NINL: variants seen among roughly 807,000 people sequenced by gnomAD.
The protein encoded by NINL is ninein-like protein.
NINL carries 153 observed loss-of-function variants against 160.3 expected under a neutral mutation model. The observed-to-expected ratio is 0.95, with a 90% CI of 0.84 to 1.09. The LOEUF (loss-of-function observed/expected upper bound fraction) is 1.09. Among genes scored for constraint, NINL ranks in the 50% least tolerant of loss-of-function variants. The pLI is 0.00. For synonymous variants in NINL, 800 were observed against 734.8 expected, an observed-to-expected ratio of 1.09 and a Z score of -1.43; for missense variants, 1,829 against 1,764.0, an observed-to-expected ratio of 1.04 and a Z score of -0.66.
intron 1 of NINL, among the ~76,000 whole-genome samples, chr20:25,548,909 AC>A (rs1469297362): frequency 1.5e-5 from 2 of 133,982 alleles, no homozygotes; most frequent in Admixed American, 7.5e-5. Flanking sequence ...CCCAAGGCTG[AC>A]CCCAGCACCC....
intron 5 of NINL, among the ~76,000 whole-genome samples, chr20:25,505,574 AT>A (rs1246854747): frequency 6.6e-6 from 1 of 152,182 alleles, no homozygotes; most frequent in Non-Finnish European, 1.5e-5. Flanking sequence ...CACCTTAAAT[AT>A]ATACAATTTT....
intron 17 of NINL, among the ~76,000 whole-genome samples, chr20:25,473,746 T>C (rs867621884): frequency 6.6e-6 from 1 of 151,434 alleles, no homozygotes; most frequent in African/African-American, 2.4e-5. Context: ...TGGGCACATG[T>C]AATCCCAGCT....
chr20:25,495,434 T>C (rs2063732301), intron 10 of NINL, among the ~76,000 whole-genome samples: 2 of 152,102 alleles, frequency 1.3e-5, no homozygotes, highest in South Asian at 4.2e-4. Context: ...ACCAGGACCA[T>C]GGCAGCGAGT....
intron 7 of NINL, among the ~76,000 whole-genome samples, chr20:25,502,966 G>C (rs2063896534): frequency 6.6e-6 from 1 of 152,230 alleles, no homozygotes; most frequent in African/African-American, 2.4e-5. Context: ...GACTAACACA[G>C]AAACATTGCC....
intron 17 of NINL, among the ~76,000 whole-genome samples, chr20:25,471,668 G>A (rs78510442): frequency 0.021 from 3,199 of 152,318 alleles, 102 homozygotes; most frequent in African/African-American, 0.072. Flanking sequence ...AAGCTGGGGG[G>A]ACCTTGCAAC....
chr20:25,557,013 T>A (rs1023866948), intron 1 of NINL, among the ~76,000 whole-genome samples: 5 of 152,168 alleles, frequency 3.3e-5, no homozygotes, highest in African/African-American at 1.2e-4. Context: ...TGAGGAGTGA[T>A]TGCTAACAGG....
intron 1 of NINL, among the ~76,000 whole-genome samples, chr20:25,571,262 T>C (rs893369933): frequency 1.3e-5 from 2 of 152,228 alleles, no homozygotes; most frequent in Non-Finnish European, 2.9e-5. Flanking sequence ...GCCACAGTAC[T>C]GCTCATCATT....
At chr20:25,471,296 ATTATAC>A (rs1395770992) in intron 17 of NINL, among the ~76,000 whole-genome samples, 1 of 152,208 alleles carries the variant, frequency 6.6e-6, no homozygotes, top group African/African-American at 2.4e-5. Context: ...CGCTTTATGT[ATTATAC>A]TTATAATAGT....
At chr20:25,512,800 T>C in intron 4 of NINL, 34 bp downstream of exon 4, 3 of 1,576,476 alleles carry the variant, frequency 1.9e-6, no homozygotes, top group African/African-American at 1.4e-5. Context: ...TTCCCAACAC[T>C]GGGCAGCTGG....
At chr20:25,559,291 A>G (rs1340092505) in intron 1 of NINL, among the ~76,000 whole-genome samples, 3 of 152,110 alleles carry the variant, frequency 2.0e-5, no homozygotes, top group Non-Finnish European at 4.4e-5. Context: ...GCCAGGCTGG[A>G]GTGCAGTGGC....
intron 8 of NINL, among the ~76,000 whole-genome samples, chr20:25,499,751 G>A (rs1332640321): frequency 1.3e-5 from 2 of 151,932 alleles, no homozygotes; most frequent in Non-Finnish European, 2.9e-5. Context: ...GTCTATCTGT[G>A]CCAACAGGAC....
In NINL at chr20:25,455,249, C is replaced by A. The variant is rs2090637961; in HGVS notation, c.3957+424G>T. Among the ~76,000 whole-genome samples, 3 of 152,190 alleles carry A rather than the reference C, an allele frequency of 2.0e-5. No individual in the cohort carries two copies. In the South Asian group the frequency reaches 6.2e-4, roughly 32 times the overall value. ...AAAGTGGCCTTGACCACCCCACCGG[C>A]TCCTTCCACCTCTATTCTCTCATTT... is the stretch of plus-strand genomic sequence containing the variant. On this transcript the variant is annotated intron_variant, in intron 23 of 23. Transcript: ENST00000278886.
chr20:25,551,993 ATACAG>A (rs2064812068), intron 1 of NINL, among the ~76,000 whole-genome samples: 2 of 152,208 alleles, frequency 1.3e-5, no homozygotes, highest in African/African-American at 4.8e-5. Flanking sequence ...ATCGGGAGGT[ATACAG>A]CCTTTTACCA....
chr20:25,518,309 C>T (rs1306293326), intron 2 of NINL, among the ~76,000 whole-genome samples: 2 of 152,220 alleles, frequency 1.3e-5, no homozygotes, highest in African/African-American at 4.8e-5. Context: ...CATTTGGCTT[C>T]TCTGTGTCCT....
intron 1 of NINL, among the ~76,000 whole-genome samples, chr20:25,574,251 G>A (rs1240592326): frequency 1.3e-5 from 2 of 152,136 alleles, no homozygotes; most frequent in Admixed American, 1.3e-4. Context: ...CTTGACAATG[G>A]AGAAAATGAA....
rs185053822 is a variant in NINL, at chr20:25,454,856, C to G, written c.3957+817G>C. On this transcript the variant is annotated intron_variant, in intron 23 of 23. Coordinates refer to ENST00000278886, the MANE Select transcript of NINL (RefSeq NM_025176.6). The stretch of plus-strand genomic sequence containing the variant: ...CCTCATTTTTGGTCTTTGCTCCTTA[C>G]AGTAGCCCAAGTGACTTTTTCCCTA... 3.0e-4 allele frequency among the ~76,000 whole-genome samples: 46 copies of G among 152,324 alleles called. No homozygotes were observed. In the Middle Eastern group the frequency reaches 0.01, roughly 34 times the overall value.
chr20:25,512,961 C>A lies in NINL; in HGVS notation c.323G>T (p.Trp108Leu). The change falls in exon 4 of 24, where the codon TGG (tryptophan) becomes TTG (leucine). Residue 108 changes from tryptophan (W) to leucine (L), a missense_variant. Physicochemically the swap from Trp to Leu is moderately conservative, Grantham distance 61 (BLOSUM62 -2). Coordinates refer to ENST00000278886, the MANE Select transcript of NINL (RefSeq NM_025176.6). Reference sequence around the variant, plus strand: ...CTCAGGCCGGCTCCGACGGCCATACCACTTAGAACCATTCACATACTTTGG... The same window carrying A: ...CTCAGGCCGGCTCCGACGGCCATACAACTTAGAACCATTCACATACTTTGG... ...IPPKYVNGSKWYGRRSRPELC... is the reference protein window; with the variant it reads ...IPPKYVNGSKLYGRRSRPELC... The A allele has an allele frequency of 6.2e-7, 1 of 1,612,348 alleles. No homozygotes were observed. Among genetic ancestry groups the A allele is most frequent in the South Asian group, 1.1e-5 (1 of 90,974 alleles).
chr20:25,541,627 T>C (rs2064663985), intron 1 of NINL, among the ~76,000 whole-genome samples: 1 of 152,258 alleles, frequency 6.6e-6, no homozygotes, highest in Non-Finnish European at 1.5e-5. Flanking sequence ...GACATGAGAT[T>C]ATCCACATAC....
intron 1 of NINL, among the ~76,000 whole-genome samples, chr20:25,533,148 G>T (rs762525425): frequency 6.6e-6 from 1 of 152,168 alleles, no homozygotes; most frequent in Admixed American, 6.5e-5. Context: ...CAGAACTGTG[G>T]AGGGTCTCAG....
Sources: allele counts gnomAD v4.1 joint callset (sites outside exome capture counted in the v4.1 genomes callset), GRCh38; gene constraint gnomAD v4.1.1; transcripts MANE v1.5; gene names NCBI Gene and HGNC (gene_info 2026-07-23, HGNC 2026-07-21).